DOCK8: variants seen among roughly 807,000 people sequenced by gnomAD.
The protein encoded by DOCK8 is dedicator of cytokinesis protein 8.
A neutral mutation model predicts 245.6 loss-of-function variants in DOCK8; 141 were observed. The observed-to-expected ratio is 0.57, with a 90% CI of 0.50 to 0.66. DOCK8 has a LOEUF of 0.66. DOCK8 is among the 30% of genes least tolerant of loss of function. The pLI is 0.00. For missense variants in DOCK8, 2,965 were observed against 2,603.4 expected (o/e 1.14, Z -3.02); for synonymous variants, 1,168 against 970.2 (o/e 1.20, Z -3.79).
intron 39 of DOCK8, among the ~76,000 whole-genome samples, chr9:438,412 C>T (rs910198061): frequency 5.9e-5 from 9 of 152,164 alleles, no homozygotes; most frequent in African/African-American, 1.9e-4. Context: ...GGAAGGTTTC[C>T]CATTTCTTCT....
chr9:347,239 C>A (rs895582052), intron 14 of DOCK8, among the ~76,000 whole-genome samples: 1 of 152,154 alleles, frequency 6.6e-6, no homozygotes, highest in East Asian at 1.9e-4. Flanking sequence ...CACAGCGGCT[C>A]ACACCTGCAA....
intron 26 of DOCK8, among the ~76,000 whole-genome samples, chr9:400,120 A>T (rs1265205042): frequency 1.2e-5 from 1 of 81,166 alleles, no homozygotes; most frequent in African/African-American, 9.9e-5. Context: ...CACCACCACC[A>T]GCATCTTCAC....
chr9:452,269 G>C (rs574930232), intron 46 of DOCK8, 152 bp downstream of exon 46: 1 of 632,424 alleles, frequency 1.6e-6, no homozygotes, highest in Non-Finnish European at 2.9e-6. Flanking sequence ...CTGGAGGTGT[G>C]GCTCAGCAAT....
At chr9:325,622 A>G (rs372798417) in intron 7 of DOCK8, 49 bp from the exon 8 acceptor site, 225 of 1,539,586 alleles carry the variant, frequency 1.5e-4, no homozygotes, top group Admixed American at 2.5e-4. Context: ...AGAAAATTCA[A>G]AATTATCTAA....
chr9:399,370 A>G (rs1281715969), intron 26 of DOCK8, 111 bp downstream of exon 26: 2 of 786,960 alleles, frequency 2.5e-6, no homozygotes, highest in East Asian at 2.6e-5. Flanking sequence ...GTTGGCATGA[A>G]TCCTACACAT....
intron 14 of DOCK8, among the ~76,000 whole-genome samples, chr9:352,919 G>T (rs1190129972): frequency 1.3e-5 from 2 of 151,822 alleles, no homozygotes; most frequent in African/African-American, 4.8e-5. Flanking sequence ...TGTCATTCAG[G>T]GACAAAGGGA....
At chr9:399,523 C>A (rs1211953518) in intron 26 of DOCK8, among the ~76,000 whole-genome samples, 1 of 152,088 alleles carries the variant, frequency 6.6e-6, no homozygotes, top group Non-Finnish European at 1.5e-5. Flanking sequence ...GTGATATGAT[C>A]TGAATCTTCA....
intron 24 of DOCK8, among the ~76,000 whole-genome samples, chr9:395,710 G>A (rs1489138498): frequency 1.3e-5 from 2 of 152,062 alleles, no homozygotes; most frequent in Non-Finnish European, 2.9e-5. Context: ...CCCTCAGATG[G>A]TGACAAGGGG....
intron 33 of DOCK8, among the ~76,000 whole-genome samples, chr9:424,899 A>G (rs1447037378): frequency 2.0e-5 from 3 of 152,238 alleles, no homozygotes; most frequent in Admixed American, 6.5e-5. Context: ...GCTGTCCAAT[A>G]CAGTAGCCAT....
At chr9:337,871 A>G (rs942223340) in intron 12 of DOCK8, among the ~76,000 whole-genome samples, 1 of 152,098 alleles carries the variant, frequency 6.6e-6, no homozygotes, top group African/African-American at 2.4e-5. Context: ...AACAGGTAAG[A>G]TGGGCCGGGC....
chr9:397,724 G>C (rs1194823983), intron 25 of DOCK8, among the ~76,000 whole-genome samples: 1 of 152,060 alleles, frequency 6.6e-6, no homozygotes, highest in East Asian at 1.9e-4. Context: ...TAATATTTTT[G>C]CTCTTAGGAA....
chr9:381,821 G>A (rs1176571965), intron 21 of DOCK8, among the ~76,000 whole-genome samples: 3 of 152,040 alleles, frequency 2.0e-5, no homozygotes, highest in Non-Finnish European at 2.9e-5. Context: ...TTAGCCAGTC[G>A]TGGTGGCGGG....
chr9:219,423 A>T (rs1229509479), intron 1 of DOCK8, among the ~76,000 whole-genome samples: 2 of 152,168 alleles, frequency 1.3e-5, no homozygotes, highest in Non-Finnish European at 2.9e-5. Flanking sequence ...GTGAGCTGAG[A>T]TGTGCCACTG....
rs748676528 is a variant in DOCK8 at position 463,681 on chromosome 9, A to G, written c.6233A>G (p.Gln2078Arg). 5 of 1,613,706 alleles carry G rather than the reference A, an allele frequency of 3.1e-6. No individual in the cohort carries two copies. The Admixed American group carries it at 6.7e-5, about 22-fold the overall frequency. The change falls in exon 47 of 48, where the codon CAA becomes CGA. Residue 2078 changes from glutamine (Q) to arginine (R), a missense_variant. Gln to Arg is a conservative substitution (Grantham distance 43, BLOSUM62 1). Around this residue, in one of 3 missense-constraint regions of DOCK8, gnomAD observed 134 missense variants for 128.1 expected, o/e 1.05. Coordinates refer to ENST00000432829, the MANE Select transcript of DOCK8 (RefSeq NM_203447.4). The part of the protein sequence containing the change: ...LYKPIFRVES[Q>R]KRDSFHRSSF... ...AAGCCAATATTCAGAGTTGAGAGTC[A>G]AAAGAGGTAAGAACAGGGCAGAGGA...
intron 1 of DOCK8, among the ~76,000 whole-genome samples, chr9:243,590 C>G (rs978133835): frequency 7.2e-5 from 11 of 152,150 alleles, no homozygotes; most frequent in African/African-American, 2.7e-4. Flanking sequence ...TGTTCTGTTT[C>G]ATCTCAGGAT....
intron 42 of DOCK8, 41 bp downstream of exon 42, chr9:442,050 A>G (rs2057110880): frequency 6.2e-7 from 1 of 1,612,230 alleles, no homozygotes; most frequent in African/African-American, 1.3e-5. Flanking sequence ...GGTACACTTT[A>G]CAAAAACAAG....
chr9:304,311 T>G (rs960760795), intron 4 of DOCK8, among the ~76,000 whole-genome samples: 4 of 152,172 alleles, frequency 2.6e-5, no homozygotes, highest in Non-Finnish European at 2.9e-5. Context: ...GCCCCACAGC[T>G]GAAATGACCG....
intron 34 of DOCK8, 135 bp downstream of exon 34, chr9:427,116 G>C: frequency 1.3e-6 from 1 of 768,956 alleles, no homozygotes; most frequent in Admixed American, 2.1e-5. Flanking sequence ...AAGTTGAGAA[G>C]TTTACTATTT....
In DOCK8 at chr9:370,280, A is replaced by G. The variant is rs1280884666; in HGVS notation, c.1848A>G (p.Thr616=). 1.2e-6 allele frequency: 2 copies of G among 1,614,112 alleles called. No homozygotes were observed. Among genetic ancestry groups the G allele is most frequent in the Non-Finnish European group, 1.7e-6 (2 of 1,179,916 alleles). The change falls in exon 16 of 48, where the codon ACA becomes ACG. Residue 616 remains threonine (T), a synonymous_variant. Transcript: ENST00000432829. The part of the protein sequence containing the change: ...SGPEFLQEVY[T]AVTYHNKSPD... Reference sequence around the variant, plus strand: ...CTGAATTTCTGCAGGAAGTGTACACAGCTGTTACATACCATAATAAGTAAG... The same window carrying G: ...CTGAATTTCTGCAGGAAGTGTACACGGCTGTTACATACCATAATAAGTAAG...
Sources: gnomAD v4.1 joint callset for allele counts (sites outside exome capture counted in the v4.1 genomes callset) on GRCh38, gnomAD v4.1.1 for gene constraint, gnomAD v4.1.1 regional missense constraint, MANE v1.5 for transcripts, NCBI Gene and HGNC (gene_info 2026-07-23, HGNC 2026-07-21) for gene names.